The following ZNF536 variants were observed in gnomAD, a reference collection of about 807,000 sequenced individuals.
ZNF536 encodes the protein zinc finger protein 536.
Under a neutral mutation model 84.5 loss-of-function variants are expected in ZNF536, and 13 were observed. The ratio of observed to expected loss-of-function variants is 0.15; its 90% confidence interval spans 0.10 to 0.24. The LOEUF is 0.24. Among genes scored for constraint, ZNF536 ranks in the 10% least tolerant of loss-of-function variants. ZNF536 has a pLI of 1.00. For missense variants in ZNF536, 1,536 were observed against 1,747.5 expected, an observed-to-expected ratio of 0.88 and a Z score of 2.16; for synonymous variants, 811 against 742.5, an observed-to-expected ratio of 1.09 and a Z score of -1.50.
intron 2 of ZNF536, among the ~76,000 whole-genome samples, chr19:30,300,846 C>T (rs565141751): frequency 4.8e-5 from 7 of 144,478 alleles, no homozygotes; most frequent in East Asian, 4.8e-4. Context: ...TACTCTTCGA[C>T]GCCTGAGTGC....
intron 1 of ZNF536, among the ~76,000 whole-genome samples, chr19:30,654,266 G>A (rs1348159016): frequency 6.6e-6 from 1 of 152,116 alleles, no homozygotes; most frequent in Admixed American, 6.5e-5. Flanking sequence ...TGACCGCCCG[G>A]CATAGTAATC....
At chr19:30,646,237 CCT>C (rs916464816) in intron 1 of ZNF536, among the ~76,000 whole-genome samples, 5 of 152,202 alleles carry the variant, frequency 3.3e-5, no homozygotes, top group African/African-American at 1.2e-4. Flanking sequence ...GGCCTTTCCC[CCT>C]GTCATGTGCC....
At chr19:30,677,997 ACTT>A (rs2050818386) in intron 1 of ZNF536, among the ~76,000 whole-genome samples, 1 of 152,140 alleles carries the variant, frequency 6.6e-6, no homozygotes, top group African/African-American at 2.4e-5. Context: ...GGGTTTAGAG[ACTT>A]CTTCTGGCCA....
At chr19:30,561,080 A>G (rs1287941978), downstream of ZNF536, among the ~76,000 whole-genome samples, 11 of 152,244 alleles carry the variant, frequency 7.2e-5, no homozygotes, top group Non-Finnish European at 1.2e-4. Flanking sequence ...CACTGCTCAC[A>G]AGGTTAAGTT....
chr19:30,488,700 G>C (rs1364972475), intron 2 of ZNF536, among the ~76,000 whole-genome samples: 1 of 152,132 alleles, frequency 6.6e-6, no homozygotes, highest in Non-Finnish European at 1.5e-5. Context: ...GGGTTGAGGG[G>C]TCAGCTGGAG....
intron 1 of ZNF536, among the ~76,000 whole-genome samples, chr19:30,568,240 T>C (rs2046421304): frequency 6.6e-6 from 1 of 152,182 alleles, no homozygotes; most frequent in Non-Finnish European, 1.5e-5. Flanking sequence ...TTAGACTTTT[T>C]AGGAATAAAC....
rs550177678 is a variant in ZNF536 at position 30,630,321 on chromosome 19, T to G, written c.170-80436T>G. ...AATTGCGGGTGATTGCAAAAGTAAT[T>G]GCACCAACATAATGGATTTGGAAGG... is the stretch of plus-strand genomic sequence containing the variant. On this transcript the variant is annotated intron_variant, in intron 1 of 1. Transcript: ENST00000592773. 2.0e-5 allele frequency among the ~76,000 whole-genome samples: 3 copies of G among 152,310 alleles called. No homozygotes were observed. In the South Asian group the frequency reaches 6.2e-4, roughly 32 times the overall value.
intron 1 of ZNF536, among the ~76,000 whole-genome samples, chr19:30,415,905 C>T (rs1022205633): frequency 1.3e-5 from 2 of 152,180 alleles, no homozygotes; most frequent in South Asian, 2.1e-4. Context: ...CCATCATGCC[C>T]GGCCCATCAT....
chr19:30,677,685 G>A (rs149482347), intron 1 of ZNF536, among the ~76,000 whole-genome samples: 108 of 152,372 alleles, frequency 7.1e-4, no homozygotes, highest in African/African-American at 2.5e-3. Context: ...ATATGTAATT[G>A]TAGAGACTGG....
At chr19:30,291,041 G>A (rs2045822553) in intron 2 of ZNF536, among the ~76,000 whole-genome samples, 1 of 152,172 alleles carries the variant, frequency 6.6e-6, no homozygotes, top group African/African-American at 2.4e-5. Flanking sequence ...TGGCTGCATA[G>A]TATTCCATGG....
chr19:30,625,903 TA>T (rs372670062), intron 1 of ZNF536, among the ~76,000 whole-genome samples: 7 of 151,560 alleles, frequency 4.6e-5, no homozygotes, highest in Non-Finnish European at 7.4e-5. Context: ...CATCCTTGAT[TA>T]AAAAAAAATG....
At chr19:30,396,590 CTCTTT>C (rs2049828170) in intron 1 of ZNF536, among the ~76,000 whole-genome samples, 1 of 64,700 alleles carries the variant, frequency 1.5e-5, no homozygotes, top group Non-Finnish European at 3.0e-5. Context: ...AGAGGGCTCT[CTCTTT>C]TTTTTTTTTT....
intron 1 of ZNF536, among the ~76,000 whole-genome samples, chr19:30,255,977 C>T (rs540414611): frequency 6.6e-6 from 1 of 152,294 alleles, no homozygotes; most frequent in African/African-American, 2.4e-5. Flanking sequence ...GAGTGCTGGA[C>T]CCCAGGAGGC....
At chr19:30,679,247 A>T (rs2050873670) in intron 1 of ZNF536, among the ~76,000 whole-genome samples, 1 of 152,222 alleles carries the variant, frequency 6.6e-6, no homozygotes, top group African/African-American at 2.4e-5. Flanking sequence ...GCGGTGGATT[A>T]TCAATAGCTG....
chr19:30,552,678 G>A (rs796746607), intron 4 of ZNF536, among the ~76,000 whole-genome samples: 11 of 152,250 alleles, frequency 7.2e-5, no homozygotes, highest in African/African-American at 2.6e-4. Context: ...ATAGAGCCAG[G>A]GTCCTGGCCA....
chr19:30,424,880 A>G (rs2051144413), intron 1 of ZNF536, among the ~76,000 whole-genome samples: 1 of 152,158 alleles, frequency 6.6e-6, no homozygotes, highest in Non-Finnish European at 1.5e-5. Context: ...TGTCCAGGGC[A>G]CACAGGAGAA....
Position 30,279,086 on chromosome 19 carries a change from G to A in ZNF536, c.-189-4986G>A, listed in dbSNP as rs957618717. ...ACTTGCTGTTCACTCTTCCTGTACC[G>A]CCGTTGCCCGCATTCTCGCAGGGCT... is the stretch of plus-strand genomic sequence containing the variant. On this transcript the variant is annotated intron_variant, in intron 1 of 5. Transcript: ENST00000585628. Among the ~76,000 whole-genome samples, 7 of 152,230 alleles carry A rather than the reference G, an allele frequency of 4.6e-5. No individual in the cohort carries two copies. The South Asian group carries it at 8.3e-4, about 18-fold the overall frequency.
intron 3 of ZNF536, among the ~76,000 whole-genome samples, chr19:30,355,519 C>G (rs1296903857): frequency 6.6e-6 from 1 of 152,078 alleles, no homozygotes; most frequent in Admixed American, 6.6e-5. Context: ...TCCCAAGTAA[C>G]TAGGACTACA....
intron 1 of ZNF536, among the ~76,000 whole-genome samples, chr19:30,372,830 C>CT (rs1038885923): frequency 2.1e-4 from 4 of 19,164 alleles, no homozygotes; most frequent in Non-Finnish European, 1.3e-3. Context: ...CCATCACCCG[C>CT]CCCCCCCATC....
Sources: allele counts gnomAD v4.1 joint callset (sites outside exome capture counted in the v4.1 genomes callset), GRCh38; gene constraint gnomAD v4.1.1; transcripts MANE v1.5; gene names NCBI Gene and HGNC (gene_info 2026-07-23, HGNC 2026-07-21).